Variants in NALCN observed in about 807,000 individuals in gnomAD.
NALCN encodes the protein sodium leak channel, non-selective.
In NALCN, 111 loss-of-function variants were observed where a neutral mutation model predicts 225.3. The ratio of observed to expected loss-of-function variants is 0.49; its 90% CI spans 0.42 to 0.58. The LOEUF is 0.58. NALCN is among the 20% of genes least tolerant of loss of function. The probability of loss-of-function intolerance (pLI) is 0.00; values close to 1 mark genes in which losing one functional copy is unlikely to be tolerated. For synonymous variants in NALCN, 764 were observed against 769.0 expected (o/e 0.99, Z 0.11); for missense variants, 1,378 against 2,202.4 (o/e 0.63, Z 7.49).
chr13:101,106,726 C>T (rs543165129), intron 22 of NALCN, among the ~76,000 whole-genome samples: 4 of 152,276 alleles, frequency 2.6e-5, no homozygotes, highest in East Asian at 1.9e-4. Context: ...TGTCTGCTGC[C>T]ATGTAAGATG....
intron 34 of NALCN, among the ~76,000 whole-genome samples, chr13:101,080,726 TTAAA>T (rs2033591245): frequency 6.9e-6 from 1 of 145,316 alleles, no homozygotes; most frequent in Non-Finnish European, 1.5e-5. Flanking sequence ...AATACATATT[TTAAA>T]TAATAAAATA....
intron 9 of NALCN, among the ~76,000 whole-genome samples, chr13:101,289,226 G>C (rs2043456471): frequency 6.6e-6 from 1 of 152,136 alleles, no homozygotes; most frequent in East Asian, 1.9e-4. Context: ...TCAGAGGCCA[G>C]AGTCAATATT....
intron 17 of NALCN, among the ~76,000 whole-genome samples, chr13:101,136,745 A>G (rs1426734504): frequency 6.6e-6 from 1 of 152,156 alleles, no homozygotes; most frequent in African/African-American, 2.4e-5. Context: ...TGCTATTGTG[A>G]ACAGTGCTGC....
At chr13:101,348,740 C>T (rs2045820229) in intron 6 of NALCN, among the ~76,000 whole-genome samples, 1 of 152,070 alleles carries the variant, frequency 6.6e-6, no homozygotes, top group African/African-American at 2.4e-5. Flanking sequence ...TCTTTGGCTT[C>T]AGAGGCAGCA....
intron 30 of NALCN, 55 bp from the exon 31 acceptor site, chr13:101,083,859 A>C: frequency 6.5e-7 from 1 of 1,528,670 alleles, no homozygotes; most frequent in Non-Finnish European, 9.0e-7. Context: ...TTGCACCAAG[A>C]ACATGGCAGA....
chr13:101,245,015 G>A (rs571382894), intron 11 of NALCN, among the ~76,000 whole-genome samples: 1 of 125,978 alleles, frequency 7.9e-6, no homozygotes, highest in East Asian at 2.5e-4. Flanking sequence ...TCCCACCAAA[G>A]TCACCTGTGC....
In NALCN at chr13:101,065,485, TC is replaced by T; in HGVS notation, c.4522del (p.Asp1508ThrfsTer27). 6.2e-7 allele frequency: 1 copy of T among 1,614,202 alleles called. No homozygotes were observed. Among genetic ancestry groups the T allele is most frequent in the Non-Finnish European group, 8.5e-7 (1 of 1,180,038 alleles). On this transcript the variant is annotated frameshift_variant, in exon 40 of 44. Coordinates refer to ENST00000251127, the MANE Select transcript of NALCN (RefSeq NM_052867.4). LOFTEE classifies it high-confidence loss of function. ...GCACATGTGCTTAAACAGGAGCTTG[TC>T]CTTGTCCAGGTCCACCTCCAGCCTC... Reference protein sequence around the residue: ...RGRLEVDLDKDKLLFKHMCYE... With the variant: ...RGRLEVDLDKXKLLFKHMCYE...
chr13:101,144,671 T>C, intron 16 of NALCN, 89 bp downstream of exon 16: 1 of 1,378,802 alleles, frequency 7.3e-7, no homozygotes, highest in Non-Finnish European at 9.8e-7. Flanking sequence ...CCAACCCACA[T>C]ATACTTAAAA....
chr13:101,175,015 T>C (rs533536522), intron 15 of NALCN, among the ~76,000 whole-genome samples: 3 of 152,180 alleles, frequency 2.0e-5, no homozygotes, highest in Non-Finnish European at 2.9e-5. Flanking sequence ...TTAGATATTT[T>C]TTTCTGCAAC....
intron 13 of NALCN, among the ~76,000 whole-genome samples, chr13:101,212,827 C>G (rs2040576746): frequency 1.3e-5 from 2 of 152,122 alleles, no homozygotes; most frequent in African/African-American, 4.8e-5. Flanking sequence ...GAAGTCTTAT[C>G]CATCTGATAG....
At chr13:101,223,659 C>A (rs748287570) in intron 13 of NALCN, among the ~76,000 whole-genome samples, 4 of 152,136 alleles carry the variant, frequency 2.6e-5, no homozygotes, top group Non-Finnish European at 5.9e-5. Context: ...CTAAAAAACA[C>A]CCTCACCAGG....
chr13:101,277,027 C>CGT (rs1020035547), intron 10 of NALCN, among the ~76,000 whole-genome samples: 3 of 151,438 alleles, frequency 2.0e-5, no homozygotes, highest in Non-Finnish European at 4.4e-5. Flanking sequence ...TATATAAAAA[C>CGT]GTGTGTATAT....
intron 18 of NALCN, among the ~76,000 whole-genome samples, chr13:101,119,263 G>C (rs1001940687): frequency 6.6e-6 from 1 of 152,122 alleles, no homozygotes; most frequent in Non-Finnish European, 1.5e-5. Context: ...CTTTTAAAAT[G>C]ATAAGAGAAA....
intron 7 of NALCN, among the ~76,000 whole-genome samples, chr13:101,334,915 G>C (rs1432234169): frequency 6.6e-6 from 1 of 151,662 alleles, no homozygotes; most frequent in Non-Finnish European, 1.5e-5. Context: ...AGGAGGGAGG[G>C]AATTATATAT....
chr13:101,130,301 C>A (rs976814317), intron 17 of NALCN, among the ~76,000 whole-genome samples: 3 of 152,140 alleles, frequency 2.0e-5, no homozygotes, highest in Non-Finnish European at 4.4e-5. Flanking sequence ...TACTGAATAT[C>A]TTAAGGGTTT....
At chr13:101,204,422 T>C (rs2040238088) in intron 13 of NALCN, among the ~76,000 whole-genome samples, 1 of 152,018 alleles carries the variant, frequency 6.6e-6, no homozygotes. Context: ...CTTAAATGAA[T>C]AAAGAGAGAG....
chr13:101,137,609 G>A (rs1169142715), intron 17 of NALCN, among the ~76,000 whole-genome samples: 2 of 152,070 alleles, frequency 1.3e-5, no homozygotes, highest in Admixed American at 1.3e-4. Context: ...AGACAATAGG[G>A]ATAGCAACTA....
intron 18 of NALCN, among the ~76,000 whole-genome samples, chr13:101,113,166 G>A (rs927384146): frequency 3.3e-5 from 5 of 152,068 alleles, no homozygotes; most frequent in African/African-American, 1.2e-4. Flanking sequence ...TATGTCTAAC[G>A]AGAACATTCT....
chr13:101,202,337 T>G (rs767201685), intron 13 of NALCN, among the ~76,000 whole-genome samples: 4 of 152,156 alleles, frequency 2.6e-5, no homozygotes, highest in South Asian at 2.1e-4. Flanking sequence ...GAAGATGACA[T>G]GAAATGTATT....
Sources: allele counts gnomAD v4.1 joint callset (sites outside exome capture counted in the v4.1 genomes callset), GRCh38; gene constraint gnomAD v4.1.1; transcripts MANE v1.5; gene names NCBI Gene and HGNC (gene_info 2026-07-23, HGNC 2026-07-21).